Variants in GALNT14 observed in about 807,000 individuals in gnomAD.
GALNT14 encodes the protein polypeptide N-acetylgalactosaminyltransferase 14, also known as UDP-GalNAc:polypeptide N-acetylgalactosaminyltransferase 14.
GALNT14 carries 60 observed loss-of-function variants against 77.5 expected under a neutral mutation model. That is an observed-to-expected ratio of 0.77 (90% CI 0.63 to 0.96). The LOEUF is 0.96. GALNT14 is among the 40% of genes least tolerant of loss of function. The pLI is 0.00. For missense variants in GALNT14, 710 were observed against 731.0 expected, an observed-to-expected ratio of 0.97 and a Z score of 0.33; for synonymous variants, 280 against 281.7, an observed-to-expected ratio of 0.99 and a Z score of 0.06.
rs201541350 is a variant in GALNT14, at chr2:31,017,951, T to C, written c.130-24944A>G. ...TGAGTAATAAGGGCACCTGTAGTTA[T>C]GGTGACAAGGGTAAAATTGCCCTCG... On this transcript the variant is annotated intron_variant, in intron 1 of 14. Coordinates refer to ENST00000349752, the MANE Select transcript of GALNT14 (RefSeq NM_024572.4). Among the ~76,000 whole-genome samples, 7 of 152,354 alleles carry C rather than the reference T, an allele frequency of 4.6e-5. No individual in the cohort carries two copies. In the East Asian group the frequency reaches 1.2e-3, roughly 25 times the overall value.
intron 1 of GALNT14, chr2:31,129,789 G>T (rs57550849): frequency 4.7e-6 from 2 of 426,864 alleles, no homozygotes; most frequent in Non-Finnish European, 6.3e-6. Flanking sequence ...TAAATCTTCA[G>T]CCCAGACAAC....
chr2:30,965,280 T>A (rs1167945520), intron 3 of GALNT14, among the ~76,000 whole-genome samples: 4 of 152,162 alleles, frequency 2.6e-5, no homozygotes, highest in Non-Finnish European at 1.5e-5. Flanking sequence ...GTCAGTTTCC[T>A]CAGCTGTGAA....
chr2:31,048,596 A>C (rs6705225), intron 1 of GALNT14, among the ~76,000 whole-genome samples: 57,347 of 127,056 alleles, frequency 0.45, 11,852 homozygotes, highest in East Asian at 0.56. Flanking sequence ...CCCCACCCCC[A>C]CTCCTGCCTC....
At chr2:31,108,686 C>T (rs1677683897) in intron 1 of GALNT14, among the ~76,000 whole-genome samples, 1 of 152,206 alleles carries the variant, frequency 6.6e-6, no homozygotes, top group Non-Finnish European at 1.5e-5. Flanking sequence ...TCAGAAGACT[C>T]TGTAGCACAC....
At chr2:31,005,966 C>T (rs1410648049) in intron 1 of GALNT14, among the ~76,000 whole-genome samples, 1 of 152,184 alleles carries the variant, frequency 6.6e-6, no homozygotes, top group African/African-American at 2.4e-5. Flanking sequence ...CAGGGTGATT[C>T]TGGAGAGAGA....
chr2:30,914,255 G>A (rs1236196813), intron 13 of GALNT14, among the ~76,000 whole-genome samples: 1 of 152,152 alleles, frequency 6.6e-6, no homozygotes, highest in Non-Finnish European at 1.5e-5. Context: ...ACCAGCAAGT[G>A]GCCCCCACAC....
At chr2:30,930,005 G>A (rs1665629787) in intron 10 of GALNT14, among the ~76,000 whole-genome samples, 1 of 152,316 alleles carries the variant, frequency 6.6e-6, no homozygotes, top group East Asian at 1.9e-4. Context: ...TCATGTGGGT[G>A]CTCAGAAAGT....
In GALNT14 at chr2:31,093,124, C is replaced by T. The variant is rs1469825765; in HGVS notation, c.129+44834G>A. 5.9e-5 allele frequency among the ~76,000 whole-genome samples: 9 copies of T among 152,050 alleles called. No individual in the cohort carries two copies. In the South Asian group the frequency reaches 6.2e-4, roughly 11 times the overall value. ...GAGAGAGGACAGGGTGCTATGTGTA[C>T]GGCTGAAAGTGTAATATCTCTGCCC... On this transcript the variant is annotated intron_variant, in intron 1 of 14. Coordinates refer to ENST00000349752, the MANE Select transcript of GALNT14 (RefSeq NM_024572.4).
chr2:31,084,379 G>A (rs1676308286), intron 1 of GALNT14, among the ~76,000 whole-genome samples: 1 of 152,214 alleles, frequency 6.6e-6, no homozygotes, highest in Admixed American at 6.5e-5. Flanking sequence ...GTACTGAACT[G>A]ATGATGGCTG....
At position 30,910,990 on chromosome 2, in the gene GALNT14, C is replaced by T. The variant is rs151144957; in HGVS notation, c.1570G>A (p.Gly524Ser). The change falls in exon 15 of 15, where the codon GGT becomes AGT. Residue 524 changes from glycine (G) to serine (S), a missense_variant. Coordinates refer to ENST00000349752, the MANE Select transcript of GALNT14 (RefSeq NM_024572.4). ...TCCTTGCCGTTCTCGGTGCCATCAC[C>T]GAACATATCTGTATCGAGGCAGAGG... ...SHLCLDTDMFGDGTENGKEIV... is the reference protein window; with the variant it reads ...SHLCLDTDMFSDGTENGKEIV... The T allele has an allele frequency of 6.9e-5, 112 of 1,613,856 alleles. 1 individual carries two copies. The highest frequency in any genetic ancestry group is 4.4e-4 in the African/African-American group (33 of 74,854).
chr2:30,968,197 C>T (rs1271255899), intron 2 of GALNT14, among the ~76,000 whole-genome samples: 1 of 152,228 alleles, frequency 6.6e-6, no homozygotes, highest in Non-Finnish European at 1.5e-5. Flanking sequence ...TTTAAGTATA[C>T]CAGTTGTCCA....
chr2:31,104,841 CCTT>C (rs1677473979), intron 1 of GALNT14, among the ~76,000 whole-genome samples: 1 of 152,192 alleles, frequency 6.6e-6, no homozygotes, highest in Non-Finnish European at 1.5e-5. Flanking sequence ...GTGATGTTAA[CCTT>C]CATCATCTGG....
chr2:30,894,313 TTAA>T, the GALNT14 span, among the ~76,000 whole-genome samples: 5 of 152,298 alleles, frequency 3.3e-5, no homozygotes, highest in African/African-American at 4.8e-5. Context: ...TTTGAGTAAA[TTAA>T]TAATGATTTC....
intron 1 of GALNT14, among the ~76,000 whole-genome samples, chr2:31,055,497 C>G (rs1004590278): frequency 6.6e-6 from 1 of 152,166 alleles, no homozygotes; most frequent in Non-Finnish European, 1.5e-5. Flanking sequence ...ACTCCAGTTA[C>G]TGGAGGCCAA....
intron 2 of GALNT14, among the ~76,000 whole-genome samples, chr2:30,983,324 T>C (rs951981832): frequency 6.6e-6 from 1 of 152,150 alleles, no homozygotes; most frequent in African/African-American, 2.4e-5. Context: ...TTTTTGTTGT[T>C]GTTGTTGTTT....
intron 1 of GALNT14, among the ~76,000 whole-genome samples, chr2:31,010,550 G>A (rs1199988333): frequency 6.6e-6 from 1 of 152,210 alleles, no homozygotes; most frequent in African/African-American, 2.4e-5. Flanking sequence ...GGGAGGTGGA[G>A]CTTGCAGTGA....
At chr2:31,026,603 C>G (rs1672070803) in intron 1 of GALNT14, among the ~76,000 whole-genome samples, 1 of 152,188 alleles carries the variant, frequency 6.6e-6, no homozygotes, top group South Asian at 2.1e-4. Context: ...GTGCTTATCA[C>G]TTATAGGGAG....
chr2:31,083,131 A>T (rs1470616684), intron 1 of GALNT14, among the ~76,000 whole-genome samples: 1 of 152,186 alleles, frequency 6.6e-6, no homozygotes, highest in African/African-American at 2.4e-5. Flanking sequence ...GCTTCCCAGG[A>T]TATGGGGCAT....
intron 1 of GALNT14, among the ~76,000 whole-genome samples, chr2:31,035,997 C>A (rs542470950): frequency 1.3e-5 from 2 of 152,180 alleles, no homozygotes; most frequent in South Asian, 4.1e-4. Context: ...GCACATGTAA[C>A]CCTGAACTTA....
Sources: allele counts gnomAD v4.1 joint callset (sites outside exome capture counted in the v4.1 genomes callset), GRCh38; gene constraint gnomAD v4.1.1; transcripts MANE v1.5; gene names NCBI Gene and HGNC (gene_info 2026-07-23, HGNC 2026-07-21).